The following THAP6 variants were observed in gnomAD, a reference collection of about 807,000 sequenced individuals.
The protein encoded by THAP6 is THAP domain-containing protein 6.
Under a neutral mutation model 20.0 loss-of-function variants are expected in THAP6, and 13 were observed. The observed-to-expected ratio is 0.65, with a 90% CI of 0.42 to 1.03. The LOEUF (loss-of-function observed/expected upper bound fraction) is 1.03. THAP6 is among the 50% of genes least tolerant of loss of function. The probability of loss-of-function intolerance (pLI) is 0.00; values close to 1 mark genes in which losing one functional copy is unlikely to be tolerated. For synonymous variants in THAP6, 93 were observed against 92.2 expected, an observed-to-expected ratio of 1.01 and a Z score of -0.05; for missense variants, 262 against 261.6, an observed-to-expected ratio of 1.00 and a Z score of -0.01.
At chr4:75,526,165 CTT>C (rs1726353419) in intron 4 of THAP6, among the ~76,000 whole-genome samples, 1 of 152,226 alleles carries the variant, frequency 6.6e-6, no homozygotes, top group African/African-American at 2.4e-5. Context: ...GGTCTCACCT[CTT>C]TGCTTCCCAT....
rs1725678819 is a variant in THAP6, at chr4:75,516,807, T to C, written c.116T>C (p.Val39Ala). 1 of 1,613,946 alleles carries C rather than the reference T, an allele frequency of 6.2e-7. No homozygotes were observed. Among genetic ancestry groups the C allele is most frequent in the African/African-American group, 1.3e-5 (1 of 74,888 alleles). Residue 39 changes from valine to alanine, a missense_variant, in exon 3 of 5, where the codon GTA (valine) becomes GCA (alanine). By Grantham distance (64) the Val-to-Ala change is moderately conservative. Coordinates refer to ENST00000311638, the MANE Select transcript of THAP6 (RefSeq NM_144721.6). ...PTDENIKRKWVLAMKRLDVNA... is the reference protein window; with the variant it reads ...PTDENIKRKWALAMKRLDVNA... ...GATGAAAACATCAAAAGGAAATGGGTATTAGCAATGAAAAGACTTGATGTG... is the reference window on the plus strand; with the variant it reads ...GATGAAAACATCAAAAGGAAATGGGCATTAGCAATGAAAAGACTTGATGTG...
chr4:75,529,526 G>C lies in THAP6; in HGVS notation c.*2312G>C. 1 of 985,302 alleles carries C rather than the reference G, an allele frequency of 1.0e-6. No homozygotes were observed. The highest frequency in any genetic ancestry group is 1.1e-4 in the East Asian group (1 of 8,824). The allele number at this position is 985,302 out of a possible 1,614,324, so 61.0% of individuals were successfully genotyped here. A position where few individuals can be genotyped will look rare whatever the true frequency, so the allele number is the denominator to read the frequency against. ...TCTAATAGGGAAGCAATTACTGATAGAAATGTGAGATTAAAAATAGGGTCC... is the reference window on the plus strand; with the variant it reads ...TCTAATAGGGAAGCAATTACTGATACAAATGTGAGATTAAAAATAGGGTCC... On this transcript the variant is annotated 3_prime_UTR_variant, in exon 5 of 5. Coordinates refer to ENST00000311638, the MANE Select transcript of THAP6 (RefSeq NM_144721.6).
In THAP6 at chr4:75,516,874, G is replaced by C; in HGVS notation, c.183G>C (p.Leu61Phe). ...GGGAGCCTAAAAAAGGAGATGTGTT[G>C]TGTTCGAGGCACTTTAAGAAGACAG... ...GIWEPKKGDVLCSRHFKKTDF... is the reference protein window; with the variant it reads ...GIWEPKKGDVFCSRHFKKTDF... The change falls in exon 3 of 5, where the codon TTG (leucine) becomes TTC (phenylalanine). Residue 61 changes from leucine (L) to phenylalanine (F), a missense_variant. By Grantham distance (22) the Leu-to-Phe change is conservative (BLOSUM62 0). Coordinates refer to ENST00000311638, the MANE Select transcript of THAP6 (RefSeq NM_144721.6). 6.2e-7 allele frequency: 1 copy of C among 1,614,092 alleles called. No individual in the cohort carries two copies. The highest frequency in any genetic ancestry group is 8.5e-7 in the Non-Finnish European group (1 of 1,180,008).
At chr4:75,533,065 T>A (rs1726735739), downstream of THAP6, among the ~76,000 whole-genome samples, 2 of 152,238 alleles carry the variant, frequency 1.3e-5, no homozygotes, top group South Asian at 4.1e-4. Context: ...GATTTTCTTT[T>A]TATTGCAAGT....
chr4:75,521,974 T>C, intron 4 of THAP6, 113 bp downstream of exon 4: 2 of 1,285,812 alleles, frequency 1.6e-6, no homozygotes, highest in East Asian at 2.3e-5. Flanking sequence ...ATATGTAATA[T>C]CTACAAATAA....
chr4:75,527,282 A>G lies in THAP6; in HGVS notation c.*68A>G. 3 of 1,553,664 alleles carry G rather than the reference A, an allele frequency of 1.9e-6. No individual in the cohort carries two copies. Among genetic ancestry groups the G allele is most frequent in the Middle Eastern group, 1.7e-4 (1 of 5,756 alleles). The stretch of plus-strand genomic sequence containing the variant: ...AAATTTTTATAAAATCTCATTTACC[A>G]TCACTAAATAATATCCATCATTTAA... On this transcript the variant is annotated 3_prime_UTR_variant, in exon 5 of 5. Transcript: ENST00000311638.
At chr4:75,542,756 A>G in intron 3 of THAP6, 1 of 292,868 alleles carries the variant, frequency 3.4e-6, no homozygotes, top group Non-Finnish European at 6.3e-6. Flanking sequence ...TTTATTCTGG[A>G]GACCCAGAGA....
intron 4 of THAP6, among the ~76,000 whole-genome samples, chr4:75,524,051 C>T (rs978596959): frequency 3.9e-5 from 6 of 152,076 alleles, no homozygotes; most frequent in Non-Finnish European, 8.8e-5. Context: ...TTCTTGGCAC[C>T]TTTGTCAAAA....
At chr4:75,536,542 AT>A (rs1183431574) in intron 2 of THAP6, among the ~76,000 whole-genome samples, 1 of 152,138 alleles carries the variant, frequency 6.6e-6, no homozygotes, top group East Asian at 1.9e-4. Context: ...TTAGTTAGTT[AT>A]TGAAACAGGG....
At chr4:75,544,947 C>T (rs1727092319) in intron 3 of THAP6, among the ~76,000 whole-genome samples, 1 of 152,144 alleles carries the variant, frequency 6.6e-6, no homozygotes, top group African/African-American at 2.4e-5. Flanking sequence ...AAATTAAAAT[C>T]AAGAATTCTG....
At chr4:75,521,565 T>C (rs1726029882) in intron 3 of THAP6, among the ~76,000 whole-genome samples, 171 bp from the exon 4 acceptor site, 1 of 152,136 alleles carries the variant, frequency 6.6e-6, no homozygotes, top group South Asian at 2.1e-4. Context: ...TTAGAGTTGA[T>C]TTCAGAAAGT....
At chr4:75,532,085 C>G (rs1205033284), downstream of THAP6, among the ~76,000 whole-genome samples, 1 of 152,184 alleles carries the variant, frequency 6.6e-6, no homozygotes, top group African/African-American at 2.4e-5. Context: ...ACTCAAAAGT[C>G]CACAGCCCAA....
intron 2 of THAP6, among the ~76,000 whole-genome samples, chr4:75,538,126 G>C (rs750512639): frequency 6.6e-6 from 1 of 152,216 alleles, no homozygotes; most frequent in Non-Finnish European, 1.5e-5. Context: ...AGGAAAGACT[G>C]GTTCTAGCTT....
chr4:75,527,862 A>G lies in THAP6; in HGVS notation c.*648A>G. ...CAGTACATCATTCCTCCTCACTAGG[A>G]GCACTTTGATGTAAACCAGAATAGC... On this transcript the variant is annotated 3_prime_UTR_variant, in exon 5 of 5. Transcript: ENST00000311638. 2 of 985,452 alleles carry G rather than the reference A, an allele frequency of 2.0e-6. No homozygotes were observed. The highest frequency in any genetic ancestry group is 4.7e-5 in the South Asian group (1 of 21,286). The allele number at this position is 985,452 out of a possible 1,614,324, so 61.0% of individuals were successfully genotyped here. A position where few individuals can be genotyped will look rare whatever the true frequency, so the allele number is the denominator to read the frequency against.
In THAP6 at chr4:75,516,829, T is replaced by A. The variant is rs750004487; in HGVS notation, c.138T>A (p.Asp46Glu). 8 of 1,613,952 alleles carry A rather than the reference T, an allele frequency of 5.0e-6. No homozygotes were observed. In the East Asian group the frequency reaches 1.6e-4, roughly 31 times the overall value. The stretch of plus-strand genomic sequence containing the variant: ...GGGTATTAGCAATGAAAAGACTTGA[T>A]GTGAATGCAGCCGGCATTTGGGAGC... ...RKWVLAMKRL[D>E]VNAAGIWEPK... The change falls in exon 3 of 5, where the codon GAT (aspartate) becomes GAA (glutamate). Residue 46 changes from aspartate (D) to glutamate (E), a missense_variant. Coordinates refer to ENST00000311638, the MANE Select transcript of THAP6 (RefSeq NM_144721.6).
At chr4:75,518,099 C>T (rs1725775536) in intron 3 of THAP6, among the ~76,000 whole-genome samples, 1 of 152,186 alleles carries the variant, frequency 6.6e-6, no homozygotes, top group Non-Finnish European at 1.5e-5. Flanking sequence ...AATAAATATA[C>T]AGTATCTTGG....
intron 1 of THAP6, 24 bp from the exon 2 acceptor site, chr4:75,515,405 AACTC>A (rs776387337): frequency 6.3e-7 from 1 of 1,587,298 alleles, no homozygotes; most frequent in Admixed American, 1.7e-5. Context: ...TCCGGTTACT[AACTC>A]TTAACATTCT....
At chr4:75,539,409 A>T (rs1283989400) in intron 2 of THAP6, among the ~76,000 whole-genome samples, 1 of 152,248 alleles carries the variant, frequency 6.6e-6, no homozygotes, top group Admixed American at 6.5e-5. Context: ...AGGTGAAGAC[A>T]TTCACAACCT....
At chr4:75,524,837 C>T (rs1014544002) in intron 4 of THAP6, among the ~76,000 whole-genome samples, 1 of 152,074 alleles carries the variant, frequency 6.6e-6, no homozygotes, top group African/African-American at 2.4e-5. Flanking sequence ...CTCACTGCAG[C>T]GTCAACCTCC....
Sources: gnomAD v4.1 joint callset for allele counts (sites outside exome capture counted in the v4.1 genomes callset) on GRCh38, gnomAD v4.1.1 for gene constraint, MANE v1.5 for transcripts, NCBI Gene and HGNC (gene_info 2026-07-23, HGNC 2026-07-21) for gene names.